Variants in PCDHA11 observed in about 807,000 individuals in gnomAD.
PCDHA11 encodes protocadherin alpha 11.
Under a neutral mutation model 70.3 loss-of-function variants are expected in PCDHA11, and 61 were observed. The observed-to-expected ratio is 0.87, with a 90% CI of 0.71 to 1.07. The LOEUF is 1.07. Among genes scored for constraint, PCDHA11 ranks in the 50% least tolerant of loss-of-function variants. The probability of loss-of-function intolerance (pLI) is 0.00; values close to 1 mark genes in which losing one functional copy is unlikely to be tolerated. For missense variants in PCDHA11, 1,324 were observed against 1,237.5 expected (o/e 1.07, Z -1.05); for synonymous variants, 633 against 555.1 (o/e 1.14, Z -1.97).
chr5:140,926,997 C>T (rs782110120), intron 1 of PCDHA11: 3 of 1,612,104 alleles, frequency 1.9e-6, no homozygotes, highest in Admixed American at 3.3e-5. Context: ...GGGGCGTAGC[C>T]GTAGGCAATC....
intron 1 of PCDHA11, among the ~76,000 whole-genome samples, chr5:140,881,723 A>G (rs2058808704): frequency 6.6e-6 from 1 of 152,172 alleles, no homozygotes; most frequent in South Asian, 2.1e-4. Flanking sequence ...GGAGGTCTTG[A>G]AAAATATTAC....
At chr5:140,875,588 C>T in intron 1 of PCDHA11, 1 of 1,613,954 alleles carries the variant, frequency 6.2e-7, no homozygotes, top group Non-Finnish European at 8.5e-7. Flanking sequence ...TACGAGGAGG[C>T]CAAACACGGC....
At chr5:140,908,911 T>C (rs535661545) in intron 1 of PCDHA11, among the ~76,000 whole-genome samples, 1 of 152,300 alleles carries the variant, frequency 6.6e-6, no homozygotes, top group South Asian at 2.1e-4. Flanking sequence ...TTCGTGGTTG[T>C]AGGAGGGGCC....
intron 1 of PCDHA11, 59 bp downstream of exon 1, chr5:140,871,553 G>T (rs1390415919): frequency 6.7e-7 from 1 of 1,491,208 alleles, no homozygotes; most frequent in East Asian, 2.5e-5. Context: ...TTAAAATCCA[G>T]TTTTTTTTCA....
chr5:140,976,933 A>G (rs1554238099), intron 1 of PCDHA11, among the ~76,000 whole-genome samples: 1 of 152,198 alleles, frequency 6.6e-6, no homozygotes, highest in African/African-American at 2.4e-5. Context: ...CTGTGTAGCT[A>G]CTTAAAACAT....
chr5:140,883,065 C>T, intron 1 of PCDHA11: 1 of 1,614,056 alleles, frequency 6.2e-7, no homozygotes, highest in Non-Finnish European at 8.5e-7. Flanking sequence ...AAGCTAAATG[C>T]CACAGATCCT....
intron 3 of PCDHA11, among the ~76,000 whole-genome samples, chr5:141,006,304 C>T (rs528368169): frequency 7.9e-5 from 12 of 152,036 alleles, no homozygotes; most frequent in African/African-American, 2.7e-4. Context: ...CTCCACTTCC[C>T]GGGTTCATGC....
intron 1 of PCDHA11, among the ~76,000 whole-genome samples, chr5:140,895,667 G>A (rs2153450568): frequency 1.3e-5 from 2 of 152,262 alleles, no homozygotes; most frequent in South Asian, 4.1e-4. Context: ...GTGAGAACAT[G>A]TAGTATTTGG....
intron 1 of PCDHA11, chr5:140,929,214 G>A: frequency 1.2e-6 from 2 of 1,614,076 alleles, no homozygotes; most frequent in Non-Finnish European, 1.7e-6. Context: ...TGCGTGGGGA[G>A]TACAATGCTG....
chr5:140,905,011 T>A (rs551000720), intron 1 of PCDHA11, among the ~76,000 whole-genome samples: 44 of 152,296 alleles, frequency 2.9e-4, no homozygotes, highest in African/African-American at 1.0e-3. Context: ...CTTTGCTAAT[T>A]CTTTTCTATG....
rs868916626 is a variant in PCDHA11, at chr5:140,946,629, T to C, written c.2392-32320T>C. 3.4e-3 allele frequency among the ~76,000 whole-genome samples: 415 copies of C among 123,330 alleles called. 16 individuals carry two copies. The highest frequency in any genetic ancestry group is 0.017 in the Middle Eastern group (4 of 240). The allele number at this position is 123,330 out of a possible 152,430, so 80.9% of individuals were successfully genotyped here. On this transcript the variant is annotated intron_variant, in intron 1 of 3. Coordinates refer to ENST00000398640, the MANE Select transcript of PCDHA11 (RefSeq NM_018902.5). ...AATGTGAAATATATATATATATATATATACAATGGAATACTCATCAGCCAT... is the reference window on the plus strand; with the variant it reads ...AATGTGAAATATATATATATATATACATACAATGGAATACTCATCAGCCAT...
chr5:140,875,928 T>C (rs782425352), intron 1 of PCDHA11: 1 of 1,614,188 alleles, frequency 6.2e-7, no homozygotes, highest in South Asian at 1.1e-5. Flanking sequence ...ACTCTCATTT[T>C]CCTCTAGAGG....
At chr5:140,985,739 C>CA (rs781951589) in intron 3 of PCDHA11, among the ~76,000 whole-genome samples, 2 of 117,920 alleles carry the variant, frequency 1.7e-5, no homozygotes, top group Non-Finnish European at 3.4e-5. Flanking sequence ...TGATGAATTC[C>CA]TTTTTTTTTT....
intron 1 of PCDHA11, chr5:140,875,423 G>T: frequency 6.6e-7 from 1 of 1,524,996 alleles, no homozygotes; most frequent in Non-Finnish European, 8.8e-7. Context: ...CCTCAGGCAA[G>T]CGATCCCTTA....
intron 3 of PCDHA11, among the ~76,000 whole-genome samples, chr5:140,991,989 G>A (rs782528431): frequency 1.3e-5 from 2 of 151,180 alleles, no homozygotes; most frequent in African/African-American, 4.9e-5. Flanking sequence ...CCTACCACCC[G>A]GTCTTTCATG....
intron 1 of PCDHA11, among the ~76,000 whole-genome samples, chr5:140,874,267 A>G (rs929129030): frequency 6.6e-6 from 1 of 152,232 alleles, no homozygotes; most frequent in Non-Finnish European, 1.5e-5. Flanking sequence ...TGACTTGAGT[A>G]TTAATAGACT....
At chr5:140,963,198 A>G (rs2095745338) in intron 1 of PCDHA11, among the ~76,000 whole-genome samples, 1 of 151,784 alleles carries the variant, frequency 6.6e-6, no homozygotes, top group South Asian at 2.1e-4. Context: ...GTGAAAATGA[A>G]AAAAAAAACC....
chr5:140,961,915 G>T (rs1393178053), intron 1 of PCDHA11, among the ~76,000 whole-genome samples: 4 of 146,912 alleles, frequency 2.7e-5, no homozygotes, highest in Non-Finnish European at 4.5e-5. Context: ...ATGGAGTCTC[G>T]CTCTGTTGCC....
At position 140,938,754 on chromosome 5, in the gene PCDHA11, A is replaced by G. The variant is rs79400957; in HGVS notation, c.2392-40195A>G. Among the ~76,000 whole-genome samples the G allele has an allele frequency of 2.9e-3, 442 of 152,274 alleles. 1 individual carries two copies. Among genetic ancestry groups the G allele is most frequent in the African/African-American group, 0.01 (423 of 41,554 alleles). The stretch of plus-strand genomic sequence containing the variant: ...AAAAAATAATTATTTTTAAAGGCAT[A>G]GTTATTGGGTACTAGACTTAGTACC... On this transcript the variant is annotated intron_variant, in intron 1 of 3. Transcript: ENST00000398640.
Sources: allele counts gnomAD v4.1 joint callset (sites outside exome capture counted in the v4.1 genomes callset), GRCh38; gene constraint gnomAD v4.1.1; transcripts MANE v1.5; gene names NCBI Gene and HGNC (gene_info 2026-07-23, HGNC 2026-07-21).